The following AMBRA1 variants were observed in gnomAD, a reference collection of about 807,000 sequenced individuals.
AMBRA1 encodes the protein autophagy and beclin 1 regulator 1.
A neutral mutation model predicts 125.4 loss-of-function variants in AMBRA1; 47 were observed. The observed-to-expected ratio is 0.37, with a 90% confidence interval of 0.30 to 0.48. The LOEUF (loss-of-function observed/expected upper bound fraction) is 0.48. Among genes scored for constraint, AMBRA1 ranks in the 20% least tolerant of loss-of-function variants. The pLI, the probability that AMBRA1 is intolerant of heterozygous loss-of-function variation, is 0.99. For missense variants in AMBRA1, 1,331 were observed against 1,693.4 expected (o/e 0.79, Z 3.76); for synonymous variants, 626 against 655.5 (o/e 0.95, Z 0.69).
chr11:46,517,157 T>C (rs1301603124), intron 7 of AMBRA1, among the ~76,000 whole-genome samples: 1 of 150,540 alleles, frequency 6.6e-6, no homozygotes, highest in East Asian at 2.0e-4. Flanking sequence ...TTTTTTTTTT[T>C]TTTTTTTTGA....
chr11:46,506,020 C>T (rs1951024478), intron 9 of AMBRA1, among the ~76,000 whole-genome samples: 3 of 152,264 alleles, frequency 2.0e-5, no homozygotes, highest in South Asian at 4.1e-4. Context: ...TTCAGCAGCA[C>T]TAAGTGCCAG....
At chr11:46,544,080 GA>G (rs1952882659) in intron 5 of AMBRA1, 39 bp from the exon 6 acceptor site, 1 of 1,526,174 alleles carries the variant, frequency 6.6e-7, no homozygotes, top group East Asian at 2.3e-5. Context: ...CACACATAGA[GA>G]GATTATGTTA....
intron 11 of AMBRA1, among the ~76,000 whole-genome samples, chr11:46,470,047 A>G (rs939780174): frequency 6.6e-6 from 1 of 152,186 alleles, no homozygotes; most frequent in Admixed American, 6.5e-5. Flanking sequence ...AGCATTGTGT[A>G]GCAAGATACT....
At chr11:46,481,601 G>A (rs1238692474) in intron 11 of AMBRA1, among the ~76,000 whole-genome samples, 1 of 152,156 alleles carries the variant, frequency 6.6e-6, no homozygotes, top group African/African-American at 2.4e-5. Flanking sequence ...GACTTCAGGT[G>A]ATCGGCCTGC....
intron 7 of AMBRA1, among the ~76,000 whole-genome samples, chr11:46,531,618 G>C (rs1460477884): frequency 2.0e-5 from 3 of 152,062 alleles, no homozygotes; most frequent in Non-Finnish European, 2.9e-5. Context: ...GCTGAGGCAA[G>C]AGAATCACTT....
intron 15 of AMBRA1, among the ~76,000 whole-genome samples, chr11:46,412,193 G>T (rs1411197286): frequency 6.6e-6 from 1 of 152,080 alleles, no homozygotes; most frequent in Non-Finnish European, 1.5e-5. Context: ...AAAATCTATG[G>T]TTGCTCAAGT....
intron 14 of AMBRA1, among the ~76,000 whole-genome samples, chr11:46,428,103 T>A (rs10742780): frequency 0.94 from 142,304 of 151,542 alleles, 67,403 homozygotes; most frequent in East Asian, 1. Context: ...TTGCTAGCGC[T>A]CTAGAGGGAG....
Position 46,397,178 on chromosome 11 carries a change from CAG to C in AMBRA1, c.*270_*271del, listed in dbSNP as rs1945498394. ...TACTAGGAGAAAGTGGGGTGCCTGG[CAG>C]AGATACCCACTTGTTCCTCTATTCA... On this transcript the variant is annotated 3_prime_UTR_variant, in exon 18 of 18. Transcript: ENST00000683756. The C allele has an allele frequency of 8.7e-6, 3 of 346,768 alleles. No individual in the cohort carries two copies. The highest frequency in any genetic ancestry group is 4.6e-5 in the Admixed American group (1 of 21,706). 21.5% of individuals were successfully genotyped at this position (346,768 alleles called of 1,614,324 possible). A position where few individuals can be genotyped will look rare whatever the true frequency, so the allele number is the denominator to read the frequency against.
chr11:46,446,903 C>A (rs1256415926), intron 11 of AMBRA1, among the ~76,000 whole-genome samples: 2 of 152,230 alleles, frequency 1.3e-5, no homozygotes, highest in Non-Finnish European at 2.9e-5. Flanking sequence ...TTTTCCATAT[C>A]TGCCAATGGG....
chr11:46,455,279 G>A (rs1431659358), intron 11 of AMBRA1, among the ~76,000 whole-genome samples: 3 of 152,034 alleles, frequency 2.0e-5, no homozygotes, highest in Non-Finnish European at 4.4e-5. Flanking sequence ...CAGTTCAGTA[G>A]AACTGTATGT....
intron 3 of AMBRA1, 68 bp downstream of exon 3, chr11:46,547,748 TC>T: frequency 6.8e-7 from 1 of 1,478,842 alleles, no homozygotes; most frequent in Non-Finnish European, 9.3e-7. Context: ...ACTTGGAAGA[TC>T]AAGCCAGGCC....
intron 11 of AMBRA1, among the ~76,000 whole-genome samples, chr11:46,478,647 T>TG (rs1949924023): frequency 1.2e-5 from 1 of 85,870 alleles, no homozygotes; most frequent in Non-Finnish European, 2.3e-5. Context: ...TTCTTTTTTC[T>TG]CTTTTTTTTT....
intron 9 of AMBRA1, among the ~76,000 whole-genome samples, chr11:46,498,272 C>G (rs924030580): frequency 1.3e-5 from 2 of 152,188 alleles, no homozygotes; most frequent in Admixed American, 1.3e-4. Context: ...ACAGAGTACA[C>G]AAATATGTTG....
chr11:46,556,635 A>G (rs1385612476), intron 1 of AMBRA1, among the ~76,000 whole-genome samples: 1 of 152,204 alleles, frequency 6.6e-6, no homozygotes, highest in Non-Finnish European at 1.5e-5. Context: ...ATTGAATTCC[A>G]GCTCCATCCT....
intron 11 of AMBRA1, among the ~76,000 whole-genome samples, chr11:46,476,058 G>C (rs150828165): frequency 9.2e-5 from 14 of 152,176 alleles, no homozygotes; most frequent in African/African-American, 3.4e-4. Flanking sequence ...AAAAGGTGGA[G>C]AGCTGCACTC....
intron 14 of AMBRA1, among the ~76,000 whole-genome samples, chr11:46,431,074 G>C (rs1947435519): frequency 6.6e-6 from 1 of 151,904 alleles, no homozygotes; most frequent in South Asian, 2.1e-4. Context: ...TTGGACGTAA[G>C]GGGCAACCAA....
chr11:46,460,827 C>A (rs1485189423), intron 11 of AMBRA1, among the ~76,000 whole-genome samples: 1 of 152,118 alleles, frequency 6.6e-6, no homozygotes, highest in Non-Finnish European at 1.5e-5. Flanking sequence ...TGGCTCACAT[C>A]TGTAATCCCA....
At chr11:46,569,803 A>G (rs2043691112) in intron 1 of AMBRA1, among the ~76,000 whole-genome samples, 1 of 151,648 alleles carries the variant, frequency 6.6e-6, no homozygotes, top group Non-Finnish European at 1.5e-5. Flanking sequence ...CTCTACTAAA[A>G]ATACAAAATT....
At chr11:46,398,672 T>G (rs1945572026) in intron 17 of AMBRA1, among the ~76,000 whole-genome samples, 1 of 152,138 alleles carries the variant, frequency 6.6e-6, no homozygotes, top group Non-Finnish European at 1.5e-5. Flanking sequence ...GAGACAGGGT[T>G]TCACCATGTT....
Sources: allele counts gnomAD v4.1 joint callset (sites outside exome capture counted in the v4.1 genomes callset), GRCh38; gene constraint gnomAD v4.1.1; transcripts MANE v1.5; gene names NCBI Gene and HGNC (gene_info 2026-07-23, HGNC 2026-07-21).